The following CCDC178 variants were observed in gnomAD, a reference collection of about 807,000 sequenced individuals.
CCDC178 encodes coiled-coil domain-containing protein 178.
In CCDC178, 126 loss-of-function variants were observed where a neutral mutation model predicts 117.4. That is an observed-to-expected ratio of 1.07 (90% CI 0.93 to 1.24). CCDC178 has a LOEUF of 1.24. Among genes scored for constraint, CCDC178 ranks in the 50% most tolerant of loss-of-function variants. The pLI is 0.00. For synonymous variants in CCDC178, 283 were observed against 313.4 expected (o/e 0.90, Z 1.02); for missense variants, 1,030 against 986.9 (o/e 1.04, Z -0.59).
chr18:33,346,361 C>G lies in CCDC178; in HGVS notation c.508G>C (p.Ala170Pro). 1.2e-6 allele frequency: 2 copies of G among 1,613,582 alleles called. No individual in the cohort carries two copies. The change falls in exon 9 of 23, where the codon GCC becomes CCC. Residue 170 changes from alanine (A) to proline (P), a missense_variant. By Grantham distance (27) the Ala-to-Pro change is conservative. Coordinates refer to ENST00000383096, the MANE Select transcript of CCDC178 (RefSeq NM_001105528.4). ...KQEMETLLSE[A>P]IRLIKSLETD... ...TCTAGACTTTTAATGAGACGAATGGCCTCTGAGAGCAATGTTTCCATTTCC... is the reference window on the plus strand; with the variant it reads ...TCTAGACTTTTAATGAGACGAATGGGCTCTGAGAGCAATGTTTCCATTTCC...
chr18:33,314,974 C>G (rs535035009), intron 11 of CCDC178, among the ~76,000 whole-genome samples: 1 of 152,084 alleles, frequency 6.6e-6, no homozygotes, highest in Non-Finnish European at 1.5e-5. Context: ...CCTAGGGCAC[C>G]GAATCCCCAG....
intron 21 of CCDC178, among the ~76,000 whole-genome samples, chr18:32,988,032 G>T (rs2055300664): frequency 6.6e-6 from 1 of 151,260 alleles, no homozygotes; most frequent in African/African-American, 2.4e-5. Flanking sequence ...AGCGGAGATT[G>T]TGCCATTACA....
At chr18:33,062,529 A>G in intron 21 of CCDC178, among the ~76,000 whole-genome samples, 1 of 152,178 alleles carries the variant, frequency 6.6e-6, no homozygotes, top group East Asian at 1.9e-4. Context: ...GCTGGAATTG[A>G]CTCAGAGCCA....
chr18:33,179,118 A>ATATATATACAC (rs1568037132), intron 20 of CCDC178, among the ~76,000 whole-genome samples: 1 of 104,410 alleles, frequency 9.6e-6, no homozygotes. Context: ...TAAACTATAT[A>ATATATATACAC]TATATATATA....
chr18:32,989,570 G>A (rs2055344238), intron 21 of CCDC178, among the ~76,000 whole-genome samples: 1 of 152,168 alleles, frequency 6.6e-6, no homozygotes, highest in South Asian at 2.1e-4. Flanking sequence ...AGCAGTCATA[G>A]AAGAGATGTA....
At chr18:33,147,044 C>T (rs1434012676) in intron 20 of CCDC178, among the ~76,000 whole-genome samples, 1 of 151,800 alleles carries the variant, frequency 6.6e-6, no homozygotes, top group Non-Finnish European at 1.5e-5. Context: ...GGCTATGGAA[C>T]ATCCTGAAAA....
chr18:33,212,995 G>T (rs542630937), intron 19 of CCDC178, among the ~76,000 whole-genome samples: 73 of 152,040 alleles, frequency 4.8e-4, no homozygotes, highest in Non-Finnish European at 9.4e-4. Context: ...TAAATCACTT[G>T]CACAGTTAGC....
At chr18:33,114,752 C>G (rs1485195393) in intron 20 of CCDC178, among the ~76,000 whole-genome samples, 2 of 151,988 alleles carry the variant, frequency 1.3e-5, no homozygotes, top group African/African-American at 4.8e-5. Context: ...GGAAACTCAG[C>G]AAAGGCAGAG....
chr18:33,376,993 T>C (rs2063375742), intron 5 of CCDC178, among the ~76,000 whole-genome samples: 1 of 152,228 alleles, frequency 6.6e-6, no homozygotes, highest in Non-Finnish European at 1.5e-5. Flanking sequence ...GGTTGAATGC[T>C]AGTTCAGCTC....
intron 14 of CCDC178, among the ~76,000 whole-genome samples, chr18:33,253,125 CA>C (rs2059636138): frequency 6.6e-6 from 1 of 151,694 alleles, no homozygotes; most frequent in African/African-American, 2.4e-5. Flanking sequence ...GTTTGAAAGA[CA>C]AAATTACCAA....
chr18:32,942,828 C>G (rs575209213), intron 22 of CCDC178, among the ~76,000 whole-genome samples: 47 of 152,250 alleles, frequency 3.1e-4, no homozygotes, highest in African/African-American at 1.1e-3. Context: ...GCATACTGAT[C>G]ATACCTTCTG....
chr18:33,113,763 G>A (rs1193746641), intron 20 of CCDC178, among the ~76,000 whole-genome samples: 1 of 152,030 alleles, frequency 6.6e-6, no homozygotes, highest in Non-Finnish European at 1.5e-5. Flanking sequence ...GAGGCTATTG[G>A]ACTGCATGCA....
At chr18:33,307,337 T>C (rs1423834579) in intron 11 of CCDC178, among the ~76,000 whole-genome samples, 6 of 152,112 alleles carry the variant, frequency 3.9e-5, no homozygotes, top group Non-Finnish European at 8.8e-5. Flanking sequence ...ATTAGGAACA[T>C]TTTGGGGATT....
intron 22 of CCDC178, among the ~76,000 whole-genome samples, chr18:32,940,774 G>A (rs1329303455): frequency 3.9e-5 from 6 of 151,974 alleles, no homozygotes; most frequent in Non-Finnish European, 8.8e-5. Flanking sequence ...ATGTTTATAG[G>A]ACTATAAAAG....
intron 19 of CCDC178, 121 bp downstream of exon 19, chr18:33,215,429 C>T: frequency 1.6e-6 from 1 of 630,102 alleles, no homozygotes; most frequent in Non-Finnish European, 2.4e-6. Context: ...ATATATATTC[C>T]ACACTACGTT....
At chr18:33,255,795 C>T (rs1023526289) in intron 14 of CCDC178, among the ~76,000 whole-genome samples, 1 of 151,852 alleles carries the variant, frequency 6.6e-6, no homozygotes, top group East Asian at 1.9e-4. Flanking sequence ...GAGATTAGTA[C>T]CCTAAACTAA....
intron 20 of CCDC178, among the ~76,000 whole-genome samples, chr18:33,125,929 C>G (rs1168362361): frequency 1.3e-5 from 2 of 152,192 alleles, no homozygotes; most frequent in Non-Finnish European, 2.9e-5. Context: ...CCTGCTTATA[C>G]AGGCCACATT....
intron 20 of CCDC178, among the ~76,000 whole-genome samples, chr18:33,176,604 C>T (rs2058666913): frequency 6.6e-6 from 1 of 152,084 alleles, no homozygotes; most frequent in Non-Finnish European, 1.5e-5. Flanking sequence ...GGTACAAGTT[C>T]TCTTATGATT....
At chr18:33,218,076 A>T (rs1249538694) in intron 18 of CCDC178, among the ~76,000 whole-genome samples, 2 of 152,090 alleles carry the variant, frequency 1.3e-5, no homozygotes, top group African/African-American at 4.8e-5. Context: ...GTAATTTTTT[A>T]AATATTTCTT....
Sources: gnomAD v4.1 joint callset for allele counts (sites outside exome capture counted in the v4.1 genomes callset) on GRCh38, gnomAD v4.1.1 for gene constraint, MANE v1.5 for transcripts, NCBI Gene and HGNC (gene_info 2026-07-23, HGNC 2026-07-21) for gene names.